SEMA4G: variants seen among roughly 807,000 people sequenced by gnomAD.
SEMA4G encodes semaphorin-4G.
In SEMA4G, 59 loss-of-function variants were observed where a neutral mutation model predicts 81.2. The ratio of observed to expected loss-of-function variants is 0.73; its 90% confidence interval spans 0.59 to 0.90. The LOEUF (loss-of-function observed/expected upper bound fraction) is 0.90. SEMA4G is among the 40% of genes least tolerant of loss of function. SEMA4G has a pLI of 0.00. For synonymous variants in SEMA4G, 404 were observed against 433.9 expected (o/e 0.93, Z 0.86); for missense variants, 952 against 1,102.3 (o/e 0.86, Z 1.93).
downstream of SEMA4G, chr10:100,984,924 A>G: frequency 2.1e-6 from 3 of 1,446,032 alleles, no homozygotes; most frequent in Non-Finnish European, 2.7e-6. Flanking sequence ...TCCCATCCCC[A>G]TGCACATGTG....
intron 3 of SEMA4G, among the ~76,000 whole-genome samples, chr10:100,977,117 A>G (rs1347225238): frequency 1.3e-5 from 2 of 152,196 alleles, no homozygotes; most frequent in African/African-American, 4.8e-5. Flanking sequence ...AAGACTGGAT[A>G]AACAGGTTTA....
In SEMA4G at chr10:100,973,442, G is replaced by C; in HGVS notation, c.274-105G>C. 1 of 1,425,996 alleles carries C rather than the reference G, an allele frequency of 7.0e-7. No homozygotes were observed. The highest frequency in any genetic ancestry group is 9.7e-7 in the Non-Finnish European group (1 of 1,027,636). 88.3% of individuals were successfully genotyped at this position (1,425,996 alleles called of 1,614,324 possible). On this transcript the variant is annotated intron_variant, in intron 2 of 13. Transcript: ENST00000370250. The surrounding 1 kb of genome is among the most constrained non-coding windows in gnomAD (Gnocchi z 5.5). ...TGCATTCAGTGTTCCTCCTGAAATTGATCCCCACCCCAATTTCCCCAACTC... is the reference window on the plus strand; with the variant it reads ...TGCATTCAGTGTTCCTCCTGAAATTCATCCCCACCCCAATTTCCCCAACTC...
At chr10:100,984,813 C>A in exon 14 of SEMA4G, 1 of 1,532,198 alleles carries the variant, frequency 6.5e-7, no homozygotes, top group Non-Finnish European at 8.7e-7. Flanking sequence ...GGTAAGACTG[C>A]ATCACTCCCC....
chr10:100,970,079 G>A (rs1850586940), upstream of SEMA4G, among the ~76,000 whole-genome samples: 2 of 152,150 alleles, frequency 1.3e-5, no homozygotes, highest in Admixed American at 6.5e-5. Flanking sequence ...CTGGGATGAA[G>A]GTCGAGAGCC....
upstream of SEMA4G, chr10:100,969,980 G>A: frequency 9.3e-6 from 4 of 429,626 alleles, no homozygotes; most frequent in Non-Finnish European, 2.0e-5. Context: ...GGAGGGAGGG[G>A]GTCCCGGGGG....
At position 100,972,831 on chromosome 10, in the gene SEMA4G, C is replaced by A. The variant is rs1371109660; in HGVS notation, c.-82C>A. The A allele has an allele frequency of 2.4e-5, 35 of 1,477,752 alleles. No homozygotes were observed. The highest frequency in any genetic ancestry group is 3.2e-5 in the Non-Finnish European group (35 of 1,095,078). The allele number at this position is 1,477,752 out of a possible 1,614,324, so 91.5% of individuals were successfully genotyped here. A position where few individuals can be genotyped will look rare whatever the true frequency, so the allele number is the denominator to read the frequency against. ...CTTCCTTGGACTTTGACCCCTGTGA[C>A]TGTGCTTCCCATTCCCCGCCCCCAC... On this transcript the variant is annotated 5_prime_UTR_variant, in exon 1 of 14. In the 5' UTR this introduces an upstream ATG that the reference lacks. Transcript: ENST00000370250.
exon 14 of SEMA4G, chr10:100,983,541 C>T: frequency 1.2e-6 from 2 of 1,614,132 alleles, no homozygotes; most frequent in Non-Finnish European, 1.7e-6. Context: ...CCGCACCCTG[C>T]TGGCCTCCTA....
At chr10:100,984,411 CCCTAA>C (rs1342086795) in exon 14 of SEMA4G, 106 of 1,467,364 alleles carry the variant, frequency 7.2e-5, no homozygotes, top group Non-Finnish European at 6.3e-6. Flanking sequence ...AGTTCCTATC[CCCTAA>C]CCTAAACACT....
chr10:100,972,699 C>T (rs1850666856), exon 1 of SEMA4G: 1 of 529,334 alleles, frequency 1.9e-6, no homozygotes, highest in Non-Finnish European at 3.3e-6. Context: ...CTGGGGATTC[C>T]ATGGCCACAC....
At position 100,973,822 on chromosome 10, in the gene SEMA4G, A is replaced by G. The variant is rs1185264050; in HGVS notation, c.336+213A>G. 6.6e-6 allele frequency among the ~76,000 whole-genome samples: 1 copy of G among 151,020 alleles called. No homozygotes were observed. Among genetic ancestry groups the G allele is most frequent in the Non-Finnish European group, 1.5e-5 (1 of 67,850 alleles). On this transcript the variant is annotated intron_variant, in intron 3 of 13. Coordinates refer to ENST00000370250, the Ensembl canonical transcript of SEMA4G. The surrounding 1 kb of genome is among the most constrained non-coding windows in gnomAD (Gnocchi z 5.5). ...GAGGTCGGATCTCACTCTGTCATCCAGGTTGGAGTACAGTGACATGATCAT... is the reference window on the plus strand; with the variant it reads ...GAGGTCGGATCTCACTCTGTCATCCGGGTTGGAGTACAGTGACATGATCAT...
exon 10 of SEMA4G, chr10:100,980,327 T>G (rs1457264028): frequency 2.5e-6 from 4 of 1,613,988 alleles, no homozygotes; most frequent in Non-Finnish European, 8.5e-7. Flanking sequence ...ACCTATGACC[T>G]GCTCTTTCTG....
At chr10:100,980,013 C>T in intron 9 of SEMA4G, 21 bp downstream of exon 10, 1 of 1,613,804 alleles carries the variant, frequency 6.2e-7, no homozygotes. Context: ...AGGCCTGGGG[C>T]CAGTGCTGAG....
chr10:100,983,876 C>G (rs539199769), exon 14 of SEMA4G: 1 of 1,557,752 alleles, frequency 6.4e-7, no homozygotes, highest in South Asian at 1.2e-5. Context: ...GCAGCTGTCT[C>G]CAGATCATCC....
chr10:100,981,013 G>A lies in SEMA4G; in HGVS notation c.1628+31G>A, dbSNP rs747182765. 9 of 1,593,148 alleles carry A rather than the reference G, an allele frequency of 5.6e-6. No individual in the cohort carries two copies. The South Asian group carries it at 9.1e-5, about 16-fold the overall frequency. On this transcript the variant is annotated intron_variant, in intron 12 of 13. Coordinates refer to ENST00000370250, the Ensembl canonical transcript of SEMA4G. Reference sequence around the variant, plus strand: ...AGGGAAGCAGGTGGGAAGTGGTGGGGGGTGACAGTCACATGTGGTCTGAGT... The same window carrying A: ...AGGGAAGCAGGTGGGAAGTGGTGGGAGGTGACAGTCACATGTGGTCTGAGT...
In SEMA4G at chr10:100,980,038, G is replaced by A. The variant is rs763924356; in HGVS notation, c.1128+46G>A. ...CCAGTGCTGAGTAGACAGAGCCCAG[G>A]GAAGGGTCAAAGGGTCTGGCCTTGT... On this transcript the variant is annotated intron_variant, in intron 9 of 13. Transcript: ENST00000370250. The A allele has an allele frequency of 1.7e-5, 27 of 1,613,716 alleles. No individual in the cohort carries two copies. In the South Asian group the frequency reaches 2.5e-4, roughly 15 times the overall value.
chr10:100,978,779 G>A, intron 6 of SEMA4G, 70 bp from the exon 8 acceptor site: 3 of 1,579,764 alleles, frequency 1.9e-6, no homozygotes, highest in Non-Finnish European at 1.7e-6. Flanking sequence ...CAAGTGAGGG[G>A]TCAGCCTCAG....
In SEMA4G at chr10:100,981,215, G is replaced by T. The variant is rs1279237287; in HGVS notation, c.1676G>T (p.Ser559Ile). 4 of 1,614,196 alleles carry T rather than the reference G, an allele frequency of 2.5e-6. No individual in the cohort carries two copies. The Admixed American group carries it at 6.7e-5, about 27-fold the overall frequency. ...GAGAGAGGAAATCGAGGCTGTGAGA[G>T]CAGCAGGGATACAGGTAAGTGACTC... is the stretch of plus-strand genomic sequence containing the variant. Residue 559 changes from serine to isoleucine, a missense_variant, in exon 13 of 14, where the codon AGC becomes ATC. Physicochemically the swap from Ser to Ile is moderately radical, Grantham distance 142. Around this residue, in one of 3 missense-constraint regions of SEMA4G, gnomAD observed 385 missense variants for 413.5 expected, o/e 0.93. Coordinates refer to ENST00000370250, the Ensembl canonical transcript of SEMA4G.
rs563225955 is a variant in SEMA4G at position 100,972,810 on chromosome 10, C to T, written c.-103C>T. 3.0e-6 allele frequency: 4 copies of T among 1,341,374 alleles called. No individual in the cohort carries two copies. The South Asian group carries it at 5.7e-5, about 19-fold the overall frequency. The allele number at this position is 1,341,374 out of a possible 1,614,324, so 83.1% of individuals were successfully genotyped here. ...GACCCCTGACCTTCCAAGTGACTTCCTTGGACTTTGACCCCTGTGACTGTG... is the reference window on the plus strand; with the variant it reads ...GACCCCTGACCTTCCAAGTGACTTCTTTGGACTTTGACCCCTGTGACTGTG... On this transcript the variant is annotated 5_prime_UTR_variant, in exon 1 of 14. Coordinates refer to ENST00000370250, the Ensembl canonical transcript of SEMA4G.
chr10:100,976,412 G>A (rs1850788199), intron 3 of SEMA4G, among the ~76,000 whole-genome samples: 1 of 152,182 alleles, frequency 6.6e-6, no homozygotes. Context: ...AGGCTGGAGT[G>A]CAGTGGTTCA....
Sources: allele counts gnomAD v4.1 joint callset (sites outside exome capture counted in the v4.1 genomes callset), GRCh38; gene constraint gnomAD v4.1.1; regional missense constraint gnomAD v4.1.1; non-coding constraint Gnocchi (gnomAD v3.1); transcripts MANE v1.5; gene names NCBI Gene and HGNC (gene_info 2026-07-23, HGNC 2026-07-21).